Variants in CDH18 observed in about 807,000 individuals in gnomAD.
CDH18 encodes the protein cadherin-18.
Under a neutral mutation model 67.9 loss-of-function variants are expected in CDH18, and 31 were observed. The ratio of observed to expected loss-of-function variants is 0.46; its 90% CI spans 0.34 to 0.62. The LOEUF is 0.62. Among genes scored for constraint, CDH18 ranks in the 20% least tolerant of loss-of-function variants. CDH18 has a pLI of 0.01. For missense variants in CDH18, 890 were observed against 975.5 expected, an observed-to-expected ratio of 0.91 and a Z score of 1.17; for synonymous variants, 362 against 347.2, an observed-to-expected ratio of 1.04 and a Z score of -0.48.
intron 2 of CDH18, among the ~76,000 whole-genome samples, chr5:20,226,794 A>C (rs1383279481): frequency 6.6e-6 from 1 of 152,096 alleles, no homozygotes; most frequent in Non-Finnish European, 1.5e-5. Context: ...CTGGAAATAT[A>C]TAAACTGTTT....
intron 5 of CDH18, among the ~76,000 whole-genome samples, chr5:19,717,161 A>G (rs1237421061): frequency 6.6e-6 from 1 of 152,022 alleles, no homozygotes; most frequent in Non-Finnish European, 1.5e-5. Flanking sequence ...TTTTCGTGAC[A>G]TCAGGTTTTA....
At chr5:20,107,042 T>A (rs1483104496) in intron 2 of CDH18, among the ~76,000 whole-genome samples, 1 of 152,032 alleles carries the variant, frequency 6.6e-6, no homozygotes, top group Non-Finnish European at 1.5e-5. Context: ...TGATTCTGAA[T>A]AATATTTTGT....
intron 1 of CDH18, among the ~76,000 whole-genome samples, chr5:20,280,388 G>A (rs1262833681): frequency 6.6e-6 from 1 of 152,002 alleles, no homozygotes; most frequent in African/African-American, 2.4e-5. Flanking sequence ...GGCCTGGTGT[G>A]TGATGTTCCC....
At chr5:20,538,915 T>G (rs899673789) in intron 1 of CDH18, among the ~76,000 whole-genome samples, 2 of 143,396 alleles carry the variant, frequency 1.4e-5, no homozygotes, top group African/African-American at 5.0e-5. Flanking sequence ...TTTTGTTTTT[T>G]TTTTTTTTTG....
chr5:19,581,780 T>C (rs1429840826), intron 7 of CDH18, among the ~76,000 whole-genome samples: 1 of 152,054 alleles, frequency 6.6e-6, no homozygotes, highest in East Asian at 1.9e-4. Context: ...TTTTGTTTTC[T>C]GGAAAAGTAT....
intron 3 of CDH18, among the ~76,000 whole-genome samples, chr5:19,838,280 C>A (rs1038426360): frequency 6.6e-6 from 1 of 151,942 alleles, no homozygotes; most frequent in Admixed American, 6.6e-5. Flanking sequence ...TAGATATTTT[C>A]TAATATTTAA....
intron 1 of CDH18, among the ~76,000 whole-genome samples, chr5:20,504,909 A>G (rs1439339818): frequency 1.3e-5 from 2 of 151,690 alleles, no homozygotes; most frequent in Admixed American, 6.6e-5. Flanking sequence ...CTGGGACTAC[A>G]GGCACCCGCC....
intron 2 of CDH18, among the ~76,000 whole-genome samples, chr5:20,024,952 T>C (rs1356398634): frequency 6.6e-6 from 1 of 151,816 alleles, no homozygotes; most frequent in Non-Finnish European, 1.5e-5. Flanking sequence ...ACCTGCAGAG[T>C]CCTTAATATT....
At chr5:20,433,755 T>C (rs933025425) in intron 1 of CDH18, among the ~76,000 whole-genome samples, 2 of 151,952 alleles carry the variant, frequency 1.3e-5, no homozygotes, top group African/African-American at 4.8e-5. Context: ...CAAGTCTAAA[T>C]GAGAATTTAA....
chr5:20,103,752 T>C (rs1204221904), intron 2 of CDH18, among the ~76,000 whole-genome samples: 1 of 149,224 alleles, frequency 6.7e-6, no homozygotes, highest in Non-Finnish European at 1.5e-5. Flanking sequence ...AAGAAAAATA[T>C]AAATTGTGTA....
intron 1 of CDH18, among the ~76,000 whole-genome samples, chr5:20,556,681 A>G (rs1163283020): frequency 6.6e-6 from 1 of 152,124 alleles, no homozygotes; most frequent in Non-Finnish European, 1.5e-5. Context: ...GCATTAGTGG[A>G]TTATTCGCCC....
At chr5:19,766,894 T>C (rs1042039497) in intron 3 of CDH18, among the ~76,000 whole-genome samples, 4 of 152,146 alleles carry the variant, frequency 2.6e-5, no homozygotes, top group Non-Finnish European at 5.9e-5. Flanking sequence ...TACTTCCCTA[T>C]TATACTATCT....
intron 2 of CDH18, chr5:20,158,532 T>A (rs1378827409): frequency 6.6e-6 from 1 of 152,404 alleles, no homozygotes; most frequent in Non-Finnish European, 1.5e-5. Context: ...TTATTTTTCA[T>A]CCCTAACTCA....
chr5:19,778,068 T>C (rs1774603062), intron 3 of CDH18, among the ~76,000 whole-genome samples: 1 of 152,180 alleles, frequency 6.6e-6, no homozygotes, highest in Non-Finnish European at 1.5e-5. Flanking sequence ...GCCCTGTATT[T>C]ATTACGAAAT....
At chr5:20,003,174 A>G (rs1285741215) in intron 2 of CDH18, among the ~76,000 whole-genome samples, 1 of 152,184 alleles carries the variant, frequency 6.6e-6, no homozygotes, top group Non-Finnish European at 1.5e-5. Flanking sequence ...CAGTTAGGAG[A>G]GTCAAGCAAT....
At chr5:20,211,276 A>C (rs922894665) in intron 2 of CDH18, among the ~76,000 whole-genome samples, 1 of 152,138 alleles carries the variant, frequency 6.6e-6, no homozygotes, top group Non-Finnish European at 1.5e-5. Flanking sequence ...GGGCAGCTCA[A>C]TGAGGCCTGC....
chr5:19,829,736 A>C (rs1561391852), intron 3 of CDH18, among the ~76,000 whole-genome samples: 2 of 151,846 alleles, frequency 1.3e-5, no homozygotes, highest in African/African-American at 2.4e-5. Flanking sequence ...TGAAACCAAA[A>C]AAGAGCTTGA....
chr5:19,802,952 A>G (rs1479348330), intron 3 of CDH18, among the ~76,000 whole-genome samples: 1 of 152,238 alleles, frequency 6.6e-6, no homozygotes, highest in Non-Finnish European at 1.5e-5. Context: ...ACTTTCAGCT[A>G]TTCAGCCTCC....
chr5:19,758,887 G>A (rs1371732409), intron 3 of CDH18, among the ~76,000 whole-genome samples: 1 of 152,214 alleles, frequency 6.6e-6, no homozygotes, highest in Non-Finnish European at 1.5e-5. Context: ...TCAGCACAAT[G>A]TCACCAATGT....
Sources: gnomAD v4.1 joint callset for allele counts (sites outside exome capture counted in the v4.1 genomes callset) on GRCh38, gnomAD v4.1.1 for gene constraint, MANE v1.5 for transcripts, NCBI Gene and HGNC (gene_info 2026-07-23, HGNC 2026-07-21) for gene names.